Variants in GPC6 observed in about 807,000 individuals in gnomAD.
GPC6 encodes glypican-6.
GPC6 carries 14 observed loss-of-function variants against 55.2 expected under a neutral mutation model. The ratio of observed to expected loss-of-function variants is 0.25; its 90% CI spans 0.17 to 0.40. GPC6 has a LOEUF of 0.40. Among genes scored for constraint, GPC6 ranks in the 10% least tolerant of loss-of-function variants. The probability of loss-of-function intolerance (pLI) is 1.00; values close to 1 mark genes in which losing one functional copy is unlikely to be tolerated. For synonymous variants in GPC6, 278 were observed against 259.6 expected, an observed-to-expected ratio of 1.07 and a Z score of -0.68; for missense variants, 641 against 708.5, an observed-to-expected ratio of 0.90 and a Z score of 1.08.
chr13:93,646,283 G>A (rs1289562084), intron 2 of GPC6, among the ~76,000 whole-genome samples: 2 of 152,040 alleles, frequency 1.3e-5, no homozygotes, highest in African/African-American at 4.8e-5. Flanking sequence ...GTTGAAGCAA[G>A]TAGTCCCAAG....
At chr13:94,277,083 G>A (rs1892236907) in intron 4 of GPC6, among the ~76,000 whole-genome samples, 1 of 152,108 alleles carries the variant, frequency 6.6e-6, no homozygotes, top group South Asian at 2.1e-4. Flanking sequence ...TGTCCCCACA[G>A]CCTCGCCAGC....
intron 1 of GPC6, among the ~76,000 whole-genome samples, chr13:93,282,634 T>C (rs1215026926): frequency 2.0e-5 from 3 of 152,220 alleles, no homozygotes; most frequent in Non-Finnish European, 4.4e-5. Context: ...ATATTTTAGT[T>C]TTAAAGTTAT....
At position 94,407,394 on chromosome 13, in the gene GPC6, A is replaced by G. The variant is rs910038123; in HGVS notation, c.*4177A>G. ...TAATCTTGTATTAAAATAGTTTTTA[A>G]AAATCTACCAGTGCCCTTTCTGCAT... On this transcript the variant is annotated 3_prime_UTR_variant, in exon 9 of 9. Coordinates refer to ENST00000377047, the MANE Select transcript of GPC6 (RefSeq NM_005708.5). The G allele has an allele frequency of 5.3e-5, 8 of 152,174 alleles. No individual in the cohort carries two copies. Among genetic ancestry groups the G allele is most frequent in the African/African-American group, 1.9e-4 (8 of 41,450 alleles). The allele number at this position is 152,174 out of a possible 1,614,324, so 9.4% of individuals were successfully genotyped here. A position where few individuals can be genotyped will look rare whatever the true frequency, so the allele number is the denominator to read the frequency against.
At chr13:93,563,380 G>A (rs1290327178) in intron 2 of GPC6, among the ~76,000 whole-genome samples, 1 of 152,002 alleles carries the variant, frequency 6.6e-6, no homozygotes, top group Non-Finnish European at 1.5e-5. Flanking sequence ...GTTAACAGTA[G>A]TATCTACCAA....
chr13:93,817,893 GATAT>G (rs1232331892), intron 2 of GPC6, among the ~76,000 whole-genome samples: 2 of 124,628 alleles, frequency 1.6e-5, no homozygotes, highest in Admixed American at 1.7e-4. Flanking sequence ...TAGATAGATA[GATAT>G]AAATTTATAA....
intron 7 of GPC6, among the ~76,000 whole-genome samples, chr13:94,385,511 G>A (rs901260705): frequency 8.5e-5 from 13 of 152,076 alleles, no homozygotes; most frequent in African/African-American, 3.1e-4. Context: ...CCAGAATTTG[G>A]TCCAATAAAA....
At chr13:94,099,595 A>C (rs1885782743) in intron 4 of GPC6, among the ~76,000 whole-genome samples, 2 of 152,182 alleles carry the variant, frequency 1.3e-5, no homozygotes, top group Admixed American at 6.5e-5. Context: ...TTTTATTAAA[A>C]GGTAAAGGTA....
At chr13:93,771,464 C>G (rs1048018482) in intron 2 of GPC6, among the ~76,000 whole-genome samples, 6 of 152,080 alleles carry the variant, frequency 3.9e-5, no homozygotes, top group Non-Finnish European at 8.8e-5. Context: ...GGGGAGTGCA[C>G]TCTGCAGGTT....
upstream of GPC6, among the ~76,000 whole-genome samples, chr13:93,224,231 G>T: frequency 8.0e-6 from 1 of 124,944 alleles, no homozygotes. Context: ...TTTCTTTCTT[G>T]TTGCCCAGTC....
intron 1 of GPC6, among the ~76,000 whole-genome samples, chr13:93,376,718 T>C (rs1874916835): frequency 6.6e-6 from 1 of 152,178 alleles, no homozygotes; most frequent in African/African-American, 2.4e-5. Context: ...AACTTACTTT[T>C]ATATCATTTT....
At chr13:93,675,522 A>G (rs767240963) in intron 2 of GPC6, among the ~76,000 whole-genome samples, 11 of 152,142 alleles carry the variant, frequency 7.2e-5, no homozygotes, top group Admixed American at 5.9e-4. Flanking sequence ...TCACCATTGT[A>G]TAACTCTTCA....
chr13:93,488,125 T>G (rs1018536039), intron 1 of GPC6, among the ~76,000 whole-genome samples: 1 of 152,092 alleles, frequency 6.6e-6, no homozygotes, highest in African/African-American at 2.4e-5. Context: ...CCCCCTCCTT[T>G]CACCCCACAA....
At chr13:93,615,316 C>T (rs1017569246) in intron 2 of GPC6, among the ~76,000 whole-genome samples, 5 of 152,082 alleles carry the variant, frequency 3.3e-5, no homozygotes, top group Non-Finnish European at 5.9e-5. Flanking sequence ...GTGTCTCTTC[C>T]TGTTATAAAA....
At chr13:93,657,400 G>A (rs1880722300) in intron 2 of GPC6, among the ~76,000 whole-genome samples, 2 of 152,118 alleles carry the variant, frequency 1.3e-5, no homozygotes, top group African/African-American at 2.4e-5. Flanking sequence ...CTAGCCATAT[G>A]CAGAAGATTG....
intron 4 of GPC6, among the ~76,000 whole-genome samples, chr13:94,256,570 C>A (rs1314169676): frequency 6.6e-6 from 1 of 152,160 alleles, no homozygotes; most frequent in East Asian, 1.9e-4. Context: ...TCATCATCAT[C>A]CTCTGAGGTC....
At chr13:93,608,162 C>T (rs1234359476) in intron 2 of GPC6, among the ~76,000 whole-genome samples, 1 of 152,044 alleles carries the variant, frequency 6.6e-6, no homozygotes, top group East Asian at 1.9e-4. Flanking sequence ...TTTCTTTGGT[C>T]CCACTAAAGG....
At chr13:93,323,133 AG>A (rs1479692571) in intron 1 of GPC6, among the ~76,000 whole-genome samples, 1 of 152,214 alleles carries the variant, frequency 6.6e-6, no homozygotes, top group African/African-American at 2.4e-5. Flanking sequence ...GACCATTGGT[AG>A]GCATATTTTT....
At position 93,574,718 on chromosome 13, in the gene GPC6, T is replaced by C. The variant is rs76059590; in HGVS notation, c.319+29297T>C. ...CCAAAAATCTTTCAGGTTGGTTTGCTGTCAATGCCCATTATACTCCACTGC... is the reference window on the plus strand; with the variant it reads ...CCAAAAATCTTTCAGGTTGGTTTGCCGTCAATGCCCATTATACTCCACTGC... On this transcript the variant is annotated intron_variant, in intron 2 of 8. Coordinates refer to ENST00000377047, the MANE Select transcript of GPC6 (RefSeq NM_005708.5). Among the ~76,000 whole-genome samples the C allele has an allele frequency of 2.3e-3, 348 of 152,298 alleles. 2 individuals carry two copies. Among genetic ancestry groups the C allele is most frequent in the African/African-American group, 8.2e-3 (342 of 41,568 alleles).
At chr13:93,257,897 A>G (rs1389474391) in intron 1 of GPC6, among the ~76,000 whole-genome samples, 2 of 152,228 alleles carry the variant, frequency 1.3e-5, no homozygotes, top group Non-Finnish European at 2.9e-5. Flanking sequence ...TCCAAATATT[A>G]GGAAGCATTT....
Sources: gnomAD v4.1 joint callset for allele counts (sites outside exome capture counted in the v4.1 genomes callset) on GRCh38, gnomAD v4.1.1 for gene constraint, MANE v1.5 for transcripts, NCBI Gene and HGNC (gene_info 2026-07-23, HGNC 2026-07-21) for gene names.